The following CDC14A variants were observed in gnomAD, a reference collection of about 807,000 sequenced individuals.
CDC14A encodes cell division cycle 14A, also known as dual specificity protein phosphatase CDC14A.
Under a neutral mutation model 74.4 loss-of-function variants are expected in CDC14A, and 53 were observed. The observed-to-expected ratio is 0.71, with a 90% confidence interval of 0.57 to 0.89. The LOEUF (loss-of-function observed/expected upper bound fraction) is 0.89, where lower values mean the gene tolerates loss of function less well. Among genes scored for constraint, CDC14A ranks in the 40% least tolerant of loss-of-function variants. The pLI is 0.00. For synonymous variants in CDC14A, 247 were observed against 258.4 expected, an observed-to-expected ratio of 0.96 and a Z score of 0.43; for missense variants, 646 against 713.7, an observed-to-expected ratio of 0.91 and a Z score of 1.08.
chr1:100,431,450 A>T (rs978410090), intron 5 of CDC14A, among the ~76,000 whole-genome samples: 4 of 152,160 alleles, frequency 2.6e-5, no homozygotes, highest in Non-Finnish European at 4.4e-5. Flanking sequence ...GCAGTCATTT[A>T]CCTTAATGAA....
intron 2 of CDC14A, among the ~76,000 whole-genome samples, chr1:100,368,934 T>C (rs1654027515): frequency 6.6e-6 from 1 of 152,216 alleles, no homozygotes; most frequent in Non-Finnish European, 1.5e-5. Flanking sequence ...TTATTTTCTT[T>C]TGGATATATA....
At chr1:100,509,492 TTTTC>T (rs1483711903) in intron 15 of CDC14A, among the ~76,000 whole-genome samples, 2,512 of 152,334 alleles carry the variant, frequency 0.016, 62 homozygotes, top group African/African-American at 0.058. Flanking sequence ...TACTTGCATC[TTTTC>T]TAATACTGTG....
chr1:100,415,792 A>C (rs1474556750), intron 4 of CDC14A, among the ~76,000 whole-genome samples: 4 of 152,242 alleles, frequency 2.6e-5, no homozygotes, highest in Admixed American at 2.6e-4. Context: ...TATGTGATTA[A>C]CATTGAATAT....
chr1:100,347,320 G>A (rs545653538), intron 1 of CDC14A, among the ~76,000 whole-genome samples: 1 of 152,204 alleles, frequency 6.6e-6, no homozygotes, highest in South Asian at 2.1e-4. Context: ...TTGTGTAGAA[G>A]CCTTGAGTGC....
chr1:100,362,218 A>G (rs1199471553), intron 2 of CDC14A, among the ~76,000 whole-genome samples: 1 of 152,148 alleles, frequency 6.6e-6, no homozygotes, highest in Non-Finnish European at 1.5e-5. Flanking sequence ...GTGGGGAGGT[A>G]AGTGGCACAA....
upstream of CDC14A, chr1:100,352,503 C>T (rs910554158): frequency 3.9e-6 from 4 of 1,032,734 alleles, no homozygotes; most frequent in Non-Finnish European, 3.5e-6. Context: ...AAGGAGGATC[C>T]GGAGCAGCTG....
chr1:100,348,486 C>T (rs1650634082), upstream of CDC14A, among the ~76,000 whole-genome samples: 1 of 151,926 alleles, frequency 6.6e-6, no homozygotes, highest in Admixed American at 6.6e-5. Flanking sequence ...ATCTTCCATC[C>T]ATTCTTTTTT....
At chr1:100,351,867 A>G, upstream of CDC14A, 1 of 1,438,658 alleles carries the variant, frequency 7.0e-7, no homozygotes, top group Non-Finnish European at 9.5e-7. Context: ...CTTCTTTTTC[A>G]ATTGTATTTT....
At chr1:100,402,442 A>G (rs1388435199) in intron 4 of CDC14A, among the ~76,000 whole-genome samples, 1 of 152,156 alleles carries the variant, frequency 6.6e-6, no homozygotes, top group Non-Finnish European at 1.5e-5. Flanking sequence ...TTGAAAAATG[A>G]GGTTATTTGG....
intron 8 of CDC14A, among the ~76,000 whole-genome samples, chr1:100,456,935 C>G (rs1666760129): frequency 6.6e-6 from 1 of 152,130 alleles, no homozygotes; most frequent in Non-Finnish European, 1.5e-5. Flanking sequence ...TCTGGACATT[C>G]AATAATTAAC....
rs150604734 is a variant in CDC14A at position 100,357,670 on chromosome 1, A to G, written c.140+3818A>G. Among the ~76,000 whole-genome samples, 216 of 151,784 alleles carry G rather than the reference A, an allele frequency of 1.4e-3. 1 individual carries two copies. In the South Asian group the frequency reaches 0.027, roughly 19 times the overall value. On this transcript the variant is annotated intron_variant, in intron 2 of 15. Coordinates refer to ENST00000336454, the MANE Select transcript of CDC14A (RefSeq NM_003672.4). ...CAGCTACTCTTGAGGCTGAGGCGACAGGATTGCTTGAGGCCTGCAGTTGAA... is the reference window on the plus strand; with the variant it reads ...CAGCTACTCTTGAGGCTGAGGCGACGGGATTGCTTGAGGCCTGCAGTTGAA...
intron 5 of CDC14A, among the ~76,000 whole-genome samples, chr1:100,432,250 G>A (rs2101102617): frequency 6.6e-6 from 1 of 152,232 alleles, no homozygotes; most frequent in South Asian, 2.1e-4. Context: ...AATGATATAA[G>A]CTCTTTCTTT....
chr1:100,413,103 C>T (rs976060209), intron 4 of CDC14A, among the ~76,000 whole-genome samples: 4 of 151,950 alleles, frequency 2.6e-5, no homozygotes, highest in African/African-American at 7.3e-5. Flanking sequence ...GTTATCTTCT[C>T]GAAGGACAAT....
chr1:100,459,762 G>A (rs930561764), intron 8 of CDC14A, among the ~76,000 whole-genome samples: 1 of 152,088 alleles, frequency 6.6e-6, no homozygotes, highest in Admixed American at 6.5e-5. Context: ...GTTCTGGGTC[G>A]GCACATTATA....
intron 4 of CDC14A, chr1:100,393,684 G>T: frequency 2.2e-6 from 1 of 460,154 alleles, no homozygotes; most frequent in South Asian, 1.8e-5. Context: ...TCAATCAAGC[G>T]GTGGCACACG....
intron 4 of CDC14A, among the ~76,000 whole-genome samples, chr1:100,403,944 G>T (rs1295908119): frequency 6.6e-6 from 1 of 152,018 alleles, no homozygotes; most frequent in Non-Finnish European, 1.5e-5. Flanking sequence ...TAAACCTTAG[G>T]TTTATAAGGG....
chr1:100,472,555 C>A (rs1304076824), intron 10 of CDC14A, among the ~76,000 whole-genome samples: 1 of 151,872 alleles, frequency 6.6e-6, no homozygotes, highest in Non-Finnish European at 1.5e-5. Flanking sequence ...TTAATAGGGT[C>A]TTTTACAGAA....
chr1:100,370,032 G>A (rs1475419570), intron 2 of CDC14A, among the ~76,000 whole-genome samples: 1 of 151,564 alleles, frequency 6.6e-6, no homozygotes, highest in Non-Finnish European at 1.5e-5. Flanking sequence ...CACCCAGGCT[G>A]GAGTGTAGTG....
At position 100,402,036 on chromosome 1, in the gene CDC14A, T is replaced by TA. The variant is rs113266871; in HGVS notation, c.309+11224dup. On this transcript the variant is annotated intron_variant, in intron 4 of 15. Transcript: ENST00000336454. ...CTGGGCAACAAGAGCAGAACTCCATTAAAAAAAAAAAAGAAGTAATTCATA... is the reference window on the plus strand; with the variant it reads ...CTGGGCAACAAGAGCAGAACTCCATTAAAAAAAAAAAAAGAAGTAATTCATA... Among the ~76,000 whole-genome samples, 732 of 139,692 alleles carry TA rather than the reference T, an allele frequency of 5.2e-3. 4 individuals are homozygous for TA. The highest frequency in any genetic ancestry group is 0.015 in the African/African-American group (565 of 38,004). The allele number at this position is 139,692 out of a possible 152,430, so 91.6% of individuals were successfully genotyped here.
Sources: allele counts gnomAD v4.1 joint callset (sites outside exome capture counted in the v4.1 genomes callset), GRCh38; gene constraint gnomAD v4.1.1; transcripts MANE v1.5; gene names NCBI Gene and HGNC (gene_info 2026-07-23, HGNC 2026-07-21).